COL4A2: variants seen among roughly 807,000 people sequenced by gnomAD.
COL4A2 encodes the protein collagen alpha-2(IV) chain.
Under a neutral mutation model 200.2 loss-of-function variants are expected in COL4A2, and 99 were observed. That is an observed-to-expected ratio of 0.49 (90% CI 0.42 to 0.58). COL4A2 has a LOEUF of 0.58. Among genes scored for constraint, COL4A2 ranks in the 20% least tolerant of loss-of-function variants. The pLI is 0.00. For synonymous variants in COL4A2, 897 were observed against 900.6 expected, an observed-to-expected ratio of 1.00 and a Z score of 0.07; for missense variants, 1,950 against 2,314.1, an observed-to-expected ratio of 0.84 and a Z score of 3.23.
At chr13:110,353,195 A>T (rs972933063) in intron 3 of COL4A2, among the ~76,000 whole-genome samples, 1 of 152,220 alleles carries the variant, frequency 6.6e-6, no homozygotes, top group African/African-American at 2.4e-5. Context: ...CACTGAGGCA[A>T]ACCAGACCTT....
At position 110,403,983 on chromosome 13, in the gene COL4A2, G is replaced by A. The variant is rs1004084325; in HGVS notation, c.181-20751G>A. On this transcript the variant is annotated intron_variant, in intron 4 of 47. Transcript: ENST00000360467. ...CCTTGCTGCTATGTCTTCACATGAC[G>A]GAAGGGACAACAGGCTCCCCTGGGC... Among the ~76,000 whole-genome samples the A allele has an allele frequency of 1.6e-4, 25 of 152,106 alleles. No individual in the cohort carries two copies. The East Asian group carries it at 1.7e-3, about 11-fold the overall frequency.
chr13:110,374,166 G>A (rs187344799), intron 4 of COL4A2, among the ~76,000 whole-genome samples: 1 of 152,170 alleles, frequency 6.6e-6, no homozygotes, highest in Admixed American at 6.5e-5. Flanking sequence ...GACAGCTTAC[G>A]GTGGTCCCGG....
At chr13:110,391,286 G>A (rs1878972518) in intron 4 of COL4A2, among the ~76,000 whole-genome samples, 1 of 152,198 alleles carries the variant, frequency 6.6e-6, no homozygotes, top group South Asian at 2.1e-4. Context: ...AGCCCCTTCT[G>A]CTATTAGCAG....
In COL4A2 at chr13:110,430,443, T is replaced by G. The variant is rs762255585; in HGVS notation, c.585+7T>G. The G allele has an allele frequency of 1.9e-6, 3 of 1,614,178 alleles. No individual in the cohort carries two copies. In the Admixed American group the frequency reaches 5.0e-5, roughly 27 times the overall value. On this transcript the variant is annotated splice_region_variant and intron_variant, in intron 9 of 47. Transcript: ENST00000360467. ...TGGATTGGTCGGTTTCCAGGTAAGTTTATTTTTATTGGACGATATTCCAAA... is the reference window on the plus strand; with the variant it reads ...TGGATTGGTCGGTTTCCAGGTAAGTGTATTTTTATTGGACGATATTCCAAA...
chr13:110,454,813 C>T (rs1488483058), intron 20 of COL4A2, among the ~76,000 whole-genome samples: 2 of 152,174 alleles, frequency 1.3e-5, no homozygotes, highest in African/African-American at 2.4e-5. Context: ...GAGCTACTAA[C>T]AGAAACCGTT....
intron 46 of COL4A2, chr13:110,507,647 C>G (rs572530627): frequency 1.9e-6 from 1 of 524,180 alleles, no homozygotes; most frequent in African/African-American, 1.9e-5. Context: ...TAAGGCTCAC[C>G]CAAAATGCTA....
At chr13:110,420,996 G>A (rs1880228257) in intron 4 of COL4A2, among the ~76,000 whole-genome samples, 1 of 152,238 alleles carries the variant, frequency 6.6e-6, no homozygotes, top group African/African-American at 2.4e-5. Context: ...TCTGTGAAAT[G>A]TTCCATCTCA....
chr13:110,505,356 A>G (rs1883823906), intron 45 of COL4A2, among the ~76,000 whole-genome samples: 1 of 152,160 alleles, frequency 6.6e-6, no homozygotes, highest in Non-Finnish European at 1.5e-5. Context: ...TCTCAAAAAA[A>G]AAAAAGAAAA....
chr13:110,461,677 C>T (rs1434464337), intron 22 of COL4A2, among the ~76,000 whole-genome samples: 1 of 152,112 alleles, frequency 6.6e-6, no homozygotes, highest in Non-Finnish European at 1.5e-5. Flanking sequence ...TGCACCACCA[C>T]ACTCCACTGC....
chr13:110,327,100 A>T (rs7318137), intron 3 of COL4A2, among the ~76,000 whole-genome samples: 2 of 151,938 alleles, frequency 1.3e-5, no homozygotes, highest in African/African-American at 2.4e-5. Context: ...AACCTGGGCT[A>T]GCCTGTCCCC....
chr13:110,492,188 G>T lies in COL4A2; in HGVS notation c.3562+11G>T, dbSNP rs771288808. ...CTCCGGGCTTACCAGGTAAGGTCAC[G>T]TAAAACACGTGGTCACCCAGACCCA... is the stretch of plus-strand genomic sequence containing the variant. On this transcript the variant is annotated intron_variant, in intron 38 of 47. Transcript: ENST00000360467. 1.1e-5 allele frequency: 17 copies of T among 1,549,922 alleles called. No individual in the cohort carries two copies. The South Asian group carries it at 1.4e-4, about 13-fold the overall frequency.
chr13:110,400,593 A>G (rs1056604478), intron 4 of COL4A2, among the ~76,000 whole-genome samples: 1 of 152,250 alleles, frequency 6.6e-6, no homozygotes, highest in East Asian at 1.9e-4. Context: ...CAGAAAAATT[A>G]CTATGATGAC....
chr13:110,470,312 CA>C (rs1882420417), intron 28 of COL4A2, among the ~76,000 whole-genome samples: 1 of 152,172 alleles, frequency 6.6e-6, no homozygotes, highest in Non-Finnish European at 1.5e-5. Flanking sequence ...GGGTCCTGGG[CA>C]GGTTCCTGCA....
chr13:110,315,103 C>G (rs930512511), intron 3 of COL4A2, among the ~76,000 whole-genome samples: 2 of 152,216 alleles, frequency 1.3e-5, no homozygotes, highest in African/African-American at 4.8e-5. Flanking sequence ...CGCCTCTGCC[C>G]GGCCCCTGCC....
chr13:110,512,129 C>T lies in COL4A2; in HGVS notation c.5077C>T (p.Leu1693Phe). The T allele has an allele frequency of 6.2e-7, 1 of 1,613,480 alleles. No homozygotes were observed. The highest frequency in any genetic ancestry group is 8.5e-7 in the Non-Finnish European group (1 of 1,180,044). The change falls in exon 48 of 48, where the codon CTC (leucine) becomes TTC (phenylalanine). Residue 1693 changes from leucine to phenylalanine, a missense_variant. Around this residue, in one of 2 missense-constraint regions of COL4A2, gnomAD observed 1,385 missense variants for 1,720.5 expected, o/e 0.80. Coordinates refer to ENST00000360467, the MANE Select transcript of COL4A2 (RefSeq NM_001846.4). ...SFQGSPSADT[L>F]KAGLIRTHIS... ...CCAGGGCTCGCCCTCCGCCGACACG[C>T]TCAAGGCCGGCCTCATCCGCACACA...
chr13:110,393,291 C>T (rs565016990), intron 4 of COL4A2, among the ~76,000 whole-genome samples: 30 of 152,144 alleles, frequency 2.0e-4, no homozygotes, highest in Non-Finnish European at 3.8e-4. Context: ...CTGAACCTTT[C>T]GCTGGCTCAA....
intron 4 of COL4A2, among the ~76,000 whole-genome samples, chr13:110,357,927 C>T (rs754682377): frequency 2.0e-5 from 3 of 152,120 alleles, no homozygotes; most frequent in African/African-American, 4.8e-5. Flanking sequence ...GTGCGGGGTG[C>T]GTGGATGTGA....
intron 41 of COL4A2, among the ~76,000 whole-genome samples, chr13:110,502,178 G>A (rs383468): frequency 0.95 from 144,344 of 152,286 alleles, 68,867 homozygotes; most frequent in East Asian, 1. Context: ...TCAAACAAGT[G>A]TTTGTGCGTC....
In COL4A2 at chr13:110,432,353, G is replaced by C; in HGVS notation, c.677G>C (p.Gly226Ala). The change falls in exon 11 of 48, where the codon GGA becomes GCA. Residue 226 changes from glycine to alanine, a missense_variant. Gly to Ala is a moderately conservative substitution (Grantham distance 60). Transcript: ENST00000360467. ...PGPPGPPGPK[G>A]QQGNRGLGFY... ...CCACCTGGACCCCCTGGACCAAAAG[G>C]ACAGCAAGTAAGTTGGTTTTGGGGG... 2 of 1,609,618 alleles carry C rather than the reference G, an allele frequency of 1.2e-6. No individual in the cohort carries two copies. Among genetic ancestry groups the C allele is most frequent in the Non-Finnish European group, 1.7e-6 (2 of 1,178,172 alleles).
Sources: allele counts gnomAD v4.1 joint callset (sites outside exome capture counted in the v4.1 genomes callset), GRCh38; gene constraint gnomAD v4.1.1; regional missense constraint gnomAD v4.1.1; transcripts MANE v1.5; gene names NCBI Gene and HGNC (gene_info 2026-07-23, HGNC 2026-07-21).